The following CLUAP1 variants were observed in gnomAD, a reference collection of about 807,000 sequenced individuals.
CLUAP1 encodes the protein intraflagellar transport 38, also known as clusterin-associated protein 1.
In CLUAP1, 50 loss-of-function variants were observed where a neutral mutation model predicts 55.0. The ratio of observed to expected loss-of-function variants is 0.91; its 90% CI spans 0.72 to 1.15. CLUAP1 has a LOEUF of 1.15. Among genes scored for constraint, CLUAP1 ranks in the 50% most tolerant of loss-of-function variants. The probability of loss-of-function intolerance (pLI) is 0.00; values close to 1 mark genes in which losing one functional copy is unlikely to be tolerated. For missense variants in CLUAP1, 530 were observed against 507.6 expected (o/e 1.04, Z -0.42); for synonymous variants, 195 against 175.4 (o/e 1.11, Z -0.88).
chr16:3,516,689 C>T (rs78495785), intron 6 of CLUAP1, among the ~76,000 whole-genome samples: 2,296 of 152,208 alleles, frequency 0.015, 66 homozygotes, highest in African/African-American at 0.052. Flanking sequence ...TAAGGAATTA[C>T]GTATATATGT....
rs1050401619 is a variant in CLUAP1 at position 3,537,348 on chromosome 16, C to T, written c.*1077C>T. The T allele has an allele frequency of 6.6e-6, 1 of 151,846 alleles. No homozygotes were observed. The highest frequency in any genetic ancestry group is 2.4e-5 in the African/African-American group (1 of 41,310). The allele number at this position is 151,846 out of a possible 1,614,324, so 9.4% of individuals were successfully genotyped here. ...AATTAGAAGTGGAGTTGGTTTTTTT[C>T]TTTTTTCTTCTTCTTTTTTTTTAAT... is the stretch of plus-strand genomic sequence containing the variant. On this transcript the variant is annotated 3_prime_UTR_variant, in exon 12 of 12. Transcript: ENST00000576634.
chr16:3,524,301 CAAAAA>C (rs2037896263), intron 8 of CLUAP1, among the ~76,000 whole-genome samples: 1 of 143,494 alleles, frequency 7.0e-6, no homozygotes, highest in South Asian at 2.2e-4. Context: ...GACCCTGTCT[CAAAAA>C]GAAAAAAAAA....
chr16:3,508,144 A>G (rs1449586610), intron 3 of CLUAP1, 145 bp from the exon 4 acceptor site: 4 of 657,192 alleles, frequency 6.1e-6, no homozygotes, highest in Non-Finnish European at 1.0e-5. Flanking sequence ...ACCACTCACA[A>G]TGTTTGAGTC....
chr16:3,538,133 A>C lies in CLUAP1; in HGVS notation c.*1862A>C, dbSNP rs1263602865. 6.6e-6 allele frequency: 1 copy of C among 152,054 alleles called. No homozygotes were observed. The highest frequency in any genetic ancestry group is 2.4e-5 in the African/African-American group (1 of 41,402). The allele number at this position is 152,054 out of a possible 1,614,324, so 9.4% of individuals were successfully genotyped here. On this transcript the variant is annotated 3_prime_UTR_variant, in exon 12 of 12. Transcript: ENST00000576634. ...ATACATGTATTTAACACCATACTTCATATTATTAAATAGGTTTTACTTAAA... is the reference window on the plus strand; with the variant it reads ...ATACATGTATTTAACACCATACTTCCTATTATTAAATAGGTTTTACTTAAA...
intron 8 of CLUAP1, among the ~76,000 whole-genome samples, chr16:3,526,064 A>G (rs1458901737): frequency 6.6e-6 from 1 of 152,128 alleles, no homozygotes; most frequent in Non-Finnish European, 1.5e-5. Context: ...TCTCTGCCCT[A>G]AAATTAGATG....
intron 5 of CLUAP1, among the ~76,000 whole-genome samples, chr16:3,512,915 C>A (rs1221621937): frequency 6.6e-6 from 1 of 152,130 alleles, no homozygotes; most frequent in Non-Finnish European, 1.5e-5. Flanking sequence ...CTCCTGACCT[C>A]GTGATCTGCC....
chr16:3,501,204 C>T, intron 1 of CLUAP1, 115 bp downstream of exon 1: 3 of 1,101,542 alleles, frequency 2.7e-6, no homozygotes, highest in Admixed American at 2.2e-5. Context: ...AGGCTCCTTT[C>T]GGGCCTCTGC....
upstream of CLUAP1, among the ~76,000 whole-genome samples, chr16:3,498,613 A>G (rs1348633119): frequency 6.6e-6 from 1 of 152,162 alleles, no homozygotes; most frequent in Non-Finnish European, 1.5e-5. Context: ...GTTTGTGACC[A>G]GCCTGGCCAA....
chr16:3,529,495 T>TTA (rs2038022539), intron 9 of CLUAP1, among the ~76,000 whole-genome samples: 19 of 69,132 alleles, frequency 2.7e-4, no homozygotes, highest in Non-Finnish European at 4.6e-4. Context: ...TATAATTATA[T>TTA]TATATTATAT....
At chr16:3,516,345 TA>T (rs2037729255) in intron 6 of CLUAP1, among the ~76,000 whole-genome samples, 1 of 152,180 alleles carries the variant, frequency 6.6e-6, no homozygotes, top group South Asian at 2.1e-4. Flanking sequence ...CTAAAAATCA[TA>T]GGTTTTTAAA....
intron 11 of CLUAP1, chr16:3,534,400 T>G (rs1480090244): frequency 6.6e-6 from 1 of 152,626 alleles, no homozygotes; most frequent in Non-Finnish European, 1.5e-5. Flanking sequence ...GCTGGTGTGA[T>G]TGTGGGTGAG....
At chr16:3,524,891 C>G (rs2037912069) in intron 8 of CLUAP1, among the ~76,000 whole-genome samples, 1 of 152,182 alleles carries the variant, frequency 6.6e-6, no homozygotes, top group African/African-American at 2.4e-5. Flanking sequence ...TTGCCCTATC[C>G]TTAACCTGAG....
chr16:3,523,856 C>T (rs1240947478), intron 8 of CLUAP1, among the ~76,000 whole-genome samples: 1 of 152,110 alleles, frequency 6.6e-6, no homozygotes, highest in Non-Finnish European at 1.5e-5. Flanking sequence ...GTCCCAGCTA[C>T]TCGGCAGGCT....
At chr16:3,529,250 G>C (rs1014528646) in intron 9 of CLUAP1, among the ~76,000 whole-genome samples, 1 of 149,404 alleles carries the variant, frequency 6.7e-6, no homozygotes, top group Non-Finnish European at 1.5e-5. Flanking sequence ...GCAAATTCAA[G>C]TTTTGCTTTT....
chr16:3,508,299 C>T lies in CLUAP1; in HGVS notation c.230C>T (p.Ala77Val). The change falls in exon 4 of 12, where the codon GCA becomes GTA. Residue 77 changes from alanine to valine, a missense_variant. Coordinates refer to ENST00000576634, the MANE Select transcript of CLUAP1 (RefSeq NM_015041.3). ...TTGGTCTAAAAATAGGCCACCAAGG[C>T]ACATATAAAACTCAACACTAAGAAG... ...KAIAQFMATK[A>V]HIKLNTKKLY... is the part of the protein sequence containing the mutation. 1 of 1,591,504 alleles carries T rather than the reference C, an allele frequency of 6.3e-7. No individual in the cohort carries two copies. The highest frequency in any genetic ancestry group is 8.5e-7 in the Non-Finnish European group (1 of 1,173,998).
chr16:3,499,528 A>G (rs887633376), upstream of CLUAP1, among the ~76,000 whole-genome samples: 7 of 152,250 alleles, frequency 4.6e-5, no homozygotes, highest in African/African-American at 1.7e-4. Flanking sequence ...CACTTCTCTA[A>G]TAATAGCCTT....
chr16:3,529,814 T>A (rs1349258004), intron 9 of CLUAP1, among the ~76,000 whole-genome samples: 1 of 29,898 alleles, frequency 3.3e-5, no homozygotes, highest in Non-Finnish European at 5.3e-5. Context: ...ATATATATAT[T>A]ATAATATAAT....
upstream of CLUAP1, among the ~76,000 whole-genome samples, chr16:3,498,382 C>A (rs1394654903): frequency 1.3e-5 from 2 of 152,114 alleles, no homozygotes; most frequent in African/African-American, 4.8e-5. Flanking sequence ...TACCAGCTAT[C>A]AGGCATCCCA....
chr16:3,520,431 A>G (rs1288048885), intron 7 of CLUAP1, among the ~76,000 whole-genome samples: 4 of 152,050 alleles, frequency 2.6e-5, no homozygotes, highest in Non-Finnish European at 5.9e-5. Flanking sequence ...AAGAGAATAG[A>G]ATGTGATCTT....
Sources: gnomAD v4.1 joint callset for allele counts (sites outside exome capture counted in the v4.1 genomes callset) on GRCh38, gnomAD v4.1.1 for gene constraint, MANE v1.5 for transcripts, NCBI Gene and HGNC (gene_info 2026-07-23, HGNC 2026-07-21) for gene names.